Variants in CHRM5 observed in about 807,000 individuals in gnomAD.
CHRM5 encodes muscarinic acetylcholine receptor M5.
CHRM5 carries 18 observed loss-of-function variants against 39.0 expected under a neutral mutation model. The observed-to-expected ratio is 0.46, with a 90% confidence interval of 0.32 to 0.68. The LOEUF is 0.68. CHRM5 is among the 30% of genes least tolerant of loss of function. CHRM5 has a pLI of 0.04. For missense variants in CHRM5, 515 were observed against 651.1 expected, an observed-to-expected ratio of 0.79 and a Z score of 2.28; for synonymous variants, 241 against 246.3, an observed-to-expected ratio of 0.98 and a Z score of 0.20.
intron 2 of CHRM5, among the ~76,000 whole-genome samples, chr15:34,052,879 A>G (rs1899978797): frequency 1.3e-5 from 2 of 152,200 alleles, no homozygotes; most frequent in South Asian, 4.1e-4. Context: ...TCCCATGCTC[A>G]TGGATAGGAA....
intron 1 of CHRM5, among the ~76,000 whole-genome samples, chr15:34,015,208 G>A (rs1264853016): frequency 6.6e-6 from 1 of 152,136 alleles, no homozygotes; most frequent in Non-Finnish European, 1.5e-5. Flanking sequence ...AATAGGCCGG[G>A]CGCAGTGGCT....
chr15:34,035,798 G>GT (rs933174144), intron 1 of CHRM5, among the ~76,000 whole-genome samples: 3 of 48,562 alleles, frequency 6.2e-5, no homozygotes, highest in African/African-American at 9.9e-5. Context: ...CATTTAGTTA[G>GT]TAAGTTAGTT....
At chr15:33,976,491 C>T (rs1895895547) in intron 1 of CHRM5, among the ~76,000 whole-genome samples, 1 of 151,984 alleles carries the variant, frequency 6.6e-6, no homozygotes, top group Non-Finnish European at 1.5e-5. Context: ...TCTGCCATGC[C>T]CGCATCAGAT....
At chr15:34,032,606 C>T (rs184829784) in intron 1 of CHRM5, among the ~76,000 whole-genome samples, 5 of 152,182 alleles carry the variant, frequency 3.3e-5, no homozygotes, top group East Asian at 1.9e-4. Context: ...GTCCTCAAAA[C>T]GGAGTGTGCA....
intron 1 of CHRM5, among the ~76,000 whole-genome samples, chr15:33,987,692 C>G (rs1022948031): frequency 3.3e-4 from 51 of 152,356 alleles, no homozygotes; most frequent in African/African-American, 1.2e-3. Flanking sequence ...TTATCTCTCT[C>G]TTTCTCTCTT....
intron 1 of CHRM5, among the ~76,000 whole-genome samples, chr15:34,020,321 GA>G (rs553324117): frequency 2.7e-5 from 4 of 146,544 alleles, no homozygotes; most frequent in African/African-American, 4.9e-5. Flanking sequence ...AAAAAAAAAA[GA>G]AAAAAAAATA....
At chr15:34,047,680 C>A (rs908479361) in intron 2 of CHRM5, among the ~76,000 whole-genome samples, 1 of 152,190 alleles carries the variant, frequency 6.6e-6, no homozygotes, top group Non-Finnish European at 1.5e-5. Flanking sequence ...ACAGTCCAGA[C>A]AAGGAAAGGT....
chr15:33,969,286 G>A (rs1023768526), intron 1 of CHRM5, 136 bp downstream of exon 1: 2 of 150,840 alleles, frequency 1.3e-5, no homozygotes, highest in Non-Finnish European at 3.0e-5. Context: ...TGAGGTAAAC[G>A]CTTGTTTTTA....
chr15:34,016,456 T>C (rs373324591), intron 1 of CHRM5, among the ~76,000 whole-genome samples: 2 of 152,332 alleles, frequency 1.3e-5, no homozygotes, highest in South Asian at 4.1e-4. Flanking sequence ...CTTGATTCTC[T>C]GCATGTGGCC....
intron 1 of CHRM5, among the ~76,000 whole-genome samples, chr15:34,030,036 T>C (rs1182679019): frequency 2.6e-5 from 4 of 152,052 alleles, no homozygotes; most frequent in Non-Finnish European, 5.9e-5. Flanking sequence ...GGCGGATCAC[T>C]TGAGGTCAGG....
rs1317489755 is a variant in CHRM5, at chr15:34,067,010, G to A, written c.*2694G>A. ...TGAATAGACCTAATTGTAAACTACA[G>A]GGACCTGATGGGTGGGTGGGAGGCG... On this transcript the variant is annotated 3_prime_UTR_variant, in exon 3 of 3. Coordinates refer to ENST00000383263, the MANE Select transcript of CHRM5 (RefSeq NM_012125.4). 6 of 152,182 alleles carry A rather than the reference G, an allele frequency of 3.9e-5. No individual in the cohort carries two copies. Among genetic ancestry groups the A allele is most frequent in the Admixed American group, 3.3e-4 (5 of 15,274 alleles). 9.4% of individuals were successfully genotyped at this position (152,182 alleles called of 1,614,324 possible).
At chr15:34,039,097 A>C in intron 1 of CHRM5, 1 of 1,067,588 alleles carries the variant, frequency 9.4e-7, no homozygotes, top group Non-Finnish European at 1.1e-6. Flanking sequence ...TGCGGCGGAG[A>C]CGCCCTGGCC....
At chr15:34,045,694 C>T (rs1899655981) in intron 1 of CHRM5, among the ~76,000 whole-genome samples, 1 of 150,742 alleles carries the variant, frequency 6.6e-6, no homozygotes, top group Admixed American at 6.7e-5. Flanking sequence ...AGGCATAAAG[C>T]TTCTCATAAA....
chr15:34,044,064 A>G (rs527468889), intron 1 of CHRM5, among the ~76,000 whole-genome samples: 1 of 151,950 alleles, frequency 6.6e-6, no homozygotes, highest in African/African-American at 2.4e-5. Context: ...TTAGCATACA[A>G]GCATGCTGTA....
intron 1 of CHRM5, among the ~76,000 whole-genome samples, chr15:34,012,073 C>A (rs1206163936): frequency 6.6e-6 from 1 of 152,112 alleles, no homozygotes; most frequent in African/African-American, 2.4e-5. Flanking sequence ...ACTTCTGAAG[C>A]TTTTTAACAA....
At chr15:33,970,869 G>A (rs1445237470) in intron 1 of CHRM5, among the ~76,000 whole-genome samples, 1 of 152,004 alleles carries the variant, frequency 6.6e-6, no homozygotes, top group Middle Eastern at 3.4e-3. Flanking sequence ...GACAATGGCT[G>A]GGCAAATGAA....
In CHRM5 at chr15:33,983,200, G is replaced by A. The variant is rs1177176714; in HGVS notation, c.-408+14050G>A. Among the ~76,000 whole-genome samples, 435 of 63,736 alleles carry A rather than the reference G, an allele frequency of 6.8e-3. 5 individuals carry two copies. Among genetic ancestry groups the A allele is most frequent in the African/African-American group, 0.022 (348 of 15,950 alleles). 41.8% of individuals were successfully genotyped at this position (63,736 alleles called of 152,430 possible). A position where few individuals can be genotyped will look rare whatever the true frequency, so the allele number is the denominator to read the frequency against. On this transcript the variant is annotated intron_variant, in intron 1 of 2. Coordinates refer to ENST00000383263, the MANE Select transcript of CHRM5 (RefSeq NM_012125.4). Reference sequence around the variant, plus strand: ...TATACACACGTGTGTGTATGTGTGTGTATATATATATATACATATATATAC... The same window carrying A: ...TATACACACGTGTGTGTATGTGTGTATATATATATATATACATATATATAC...
intron 1 of CHRM5, among the ~76,000 whole-genome samples, chr15:34,039,623 T>TGAG (rs1430324502): frequency 6.6e-6 from 1 of 152,068 alleles, no homozygotes; most frequent in Non-Finnish European, 1.5e-5. Flanking sequence ...TTGTGTCTGG[T>TGAG]GAGAGGTGGA....
At chr15:34,009,156 C>G (rs759869214) in intron 1 of CHRM5, among the ~76,000 whole-genome samples, 3 of 151,940 alleles carry the variant, frequency 2.0e-5, no homozygotes, top group Non-Finnish European at 4.4e-5. Flanking sequence ...ATCCTACATA[C>G]AAAAAAGCTA....
Sources: allele counts gnomAD v4.1 joint callset (sites outside exome capture counted in the v4.1 genomes callset), GRCh38; gene constraint gnomAD v4.1.1; transcripts MANE v1.5; gene names NCBI Gene and HGNC (gene_info 2026-07-23, HGNC 2026-07-21).